KHDC1: variants seen among roughly 807,000 people sequenced by gnomAD.
KHDC1 encodes the protein KH domain containing 1, also known as KH homology domain-containing protein 1.
Under a neutral mutation model 24.7 loss-of-function variants are expected in KHDC1, and 21 were observed. That is an observed-to-expected ratio of 0.85 (90% CI 0.60 to 1.23). KHDC1 has a LOEUF of 1.23. Among genes scored for constraint, KHDC1 ranks in the 50% most tolerant of loss-of-function variants. KHDC1 has a pLI of 0.00. For missense variants in KHDC1, 274 were observed against 298.5 expected (o/e 0.92, Z 0.61); for synonymous variants, 98 against 111.7 (o/e 0.88, Z 0.77).
intron 2 of KHDC1, among the ~76,000 whole-genome samples, chr6:73,277,964 A>G (rs1310385607): frequency 2.1e-5 from 3 of 144,258 alleles, no homozygotes; most frequent in Non-Finnish European, 4.5e-5. Context: ...TTTGTCAAAC[A>G]TTTGTGTTTC....
chr6:73,258,191 G>A (rs2150563384), intron 2 of KHDC1, among the ~76,000 whole-genome samples: 1 of 152,350 alleles, frequency 6.6e-6, no homozygotes, highest in African/African-American at 2.4e-5. Context: ...GGAGGTAGAG[G>A]TTGCAGTGAG....
chr6:73,267,325 A>G (rs956592575), intron 2 of KHDC1, among the ~76,000 whole-genome samples: 4 of 152,078 alleles, frequency 2.6e-5, no homozygotes, highest in African/African-American at 7.2e-5. Flanking sequence ...ACTAAAAAAA[A>G]TGCAAAAATT....
At chr6:73,261,581 G>A (rs1288278270) in intron 2 of KHDC1, among the ~76,000 whole-genome samples, 1 of 151,536 alleles carries the variant, frequency 6.6e-6, no homozygotes, top group Admixed American at 6.6e-5. Context: ...ACCCGCCTGG[G>A]CAATATGGTG....
At chr6:73,263,039 G>GGGCGGTGGCGGC in intron 2 of KHDC1, 1 of 965,564 alleles carries the variant, frequency 1.0e-6, no homozygotes, top group Non-Finnish European at 1.2e-6. Flanking sequence ...TCCCTGAGTA[G>GGGCGGTGGCGGC]GGCGGCGGCG....
intron 2 of KHDC1, among the ~76,000 whole-genome samples, chr6:73,271,765 A>G (rs1767184228): frequency 6.6e-6 from 1 of 151,546 alleles, no homozygotes; most frequent in African/African-American, 2.4e-5. Flanking sequence ...ATGGCCGCGC[A>G]TGCCTGTAAT....
chr6:73,247,411 C>T (rs376578357), intron 2 of KHDC1, among the ~76,000 whole-genome samples: 20 of 152,286 alleles, frequency 1.3e-4, no homozygotes, highest in African/African-American at 4.8e-4. Flanking sequence ...AAATTTGATT[C>T]CATACTTCCC....
chr6:73,306,631 C>T (rs775146744), intron 1 of KHDC1, among the ~76,000 whole-genome samples: 3 of 151,302 alleles, frequency 2.0e-5, no homozygotes, highest in Non-Finnish European at 2.9e-5. Flanking sequence ...CAGAATTCCC[C>T]AGAATAGATA....
chr6:73,275,861 C>T (rs900680162), intron 2 of KHDC1: 6 of 152,548 alleles, frequency 3.9e-5, no homozygotes, highest in East Asian at 3.9e-4. Flanking sequence ...TTGAGATCCT[C>T]ATCTCCAGAA....
At chr6:73,297,543 C>T (rs539763633) in intron 1 of KHDC1, among the ~76,000 whole-genome samples, 1 of 152,076 alleles carries the variant, frequency 6.6e-6, no homozygotes, top group Non-Finnish European at 1.5e-5. Flanking sequence ...TTTGCTGTGT[C>T]AAGGGGTGTG....
rs551706738 is a variant in KHDC1, at chr6:73,291,069, T to C, written c.206+929A>G. On this transcript the variant is annotated intron_variant, in intron 2 of 4. Coordinates refer to ENST00000370384, the Ensembl canonical transcript of KHDC1. Reference sequence around the variant, plus strand: ...AGCTGAAAAAGGAGGAATTTCAAAGTGAATGGACTGCTGTAGTGCAAGTTT... The same window carrying C: ...AGCTGAAAAAGGAGGAATTTCAAAGCGAATGGACTGCTGTAGTGCAAGTTT... 12 of 429,666 alleles carry C rather than the reference T, an allele frequency of 2.8e-5. No homozygotes were observed. The Admixed American group carries it at 3.3e-4, about 12-fold the overall frequency. The allele number at this position is 429,666 out of a possible 1,614,324, so 26.6% of individuals were successfully genotyped here.
At chr6:73,300,403 T>A (rs1268765959) in intron 1 of KHDC1, 9 of 152,256 alleles carry the variant, frequency 5.9e-5, no homozygotes, top group Non-Finnish European at 1.3e-4. Flanking sequence ...GGGTTCCCAA[T>A]TGAAAATCAC....
chr6:73,279,792 T>C (rs1384168185), intron 2 of KHDC1, among the ~76,000 whole-genome samples: 2 of 152,142 alleles, frequency 1.3e-5, no homozygotes, highest in Non-Finnish European at 2.9e-5. Flanking sequence ...GTTGCCAGGC[T>C]GATCAACTCC....
At chr6:73,288,610 GACTTCGTCTTAAAAA>G (rs1767565198) in intron 2 of KHDC1, among the ~76,000 whole-genome samples, 1 of 149,396 alleles carries the variant, frequency 6.7e-6, no homozygotes, top group Non-Finnish European at 1.5e-5. Context: ...GACAGAGTAA[GACTTCGTCTTAAAAA>G]AAAAGTTTTC....
At chr6:73,283,884 C>A (rs1322339725) in intron 2 of KHDC1, among the ~76,000 whole-genome samples, 1 of 151,740 alleles carries the variant, frequency 6.6e-6, no homozygotes, top group Non-Finnish European at 1.5e-5. Flanking sequence ...ACCATTCTTT[C>A]CTCTTTGATA....
chr6:73,304,331 G>A (rs1468040962), intron 1 of KHDC1, among the ~76,000 whole-genome samples: 1 of 152,146 alleles, frequency 6.6e-6, no homozygotes, highest in African/African-American at 2.4e-5. Flanking sequence ...AAGGTACAAT[G>A]TATAAAATAT....
At chr6:73,251,507 C>T (rs750214220) in intron 2 of KHDC1, among the ~76,000 whole-genome samples, 2 of 152,170 alleles carry the variant, frequency 1.3e-5, no homozygotes, top group Non-Finnish European at 2.9e-5. Context: ...GGCCCTCTAA[C>T]CTAAACATGT....
intron 2 of KHDC1, among the ~76,000 whole-genome samples, chr6:73,282,356 A>C (rs1767430505): frequency 6.6e-6 from 1 of 152,170 alleles, no homozygotes; most frequent in Admixed American, 6.5e-5. Flanking sequence ...TGCCATTGCA[A>C]AATCATAACT....
intron 2 of KHDC1, among the ~76,000 whole-genome samples, chr6:73,265,528 CAAAAAAAA>C (rs70994179): frequency 2.4e-4 from 18 of 74,504 alleles, no homozygotes; most frequent in South Asian, 5.5e-4. Flanking sequence ...GACTCCGTCT[CAAAAAAAA>C]AAAAAAAAAA....
chr6:73,245,397 G>T (rs898205331), intron 2 of KHDC1, among the ~76,000 whole-genome samples: 5 of 152,142 alleles, frequency 3.3e-5, no homozygotes, highest in Admixed American at 2.0e-4. Flanking sequence ...TAATTAGATG[G>T]ATATTTGGGG....
Sources: gnomAD v4.1 joint callset for allele counts (sites outside exome capture counted in the v4.1 genomes callset) on GRCh38, gnomAD v4.1.1 for gene constraint, MANE v1.5 for transcripts, NCBI Gene and HGNC (gene_info 2026-07-23, HGNC 2026-07-21) for gene names.